The following FHIT variants were observed in gnomAD, a reference collection of about 807,000 sequenced individuals.
FHIT encodes fragile histidine triad diadenosine triphosphatase, also known as bis(5'-adenosyl)-triphosphatase.
FHIT carries 19 observed loss-of-function variants against 17.9 expected under a neutral mutation model. The ratio of observed to expected loss-of-function variants is 1.06; its 90% CI spans 0.74 to 1.56. The LOEUF (loss-of-function observed/expected upper bound fraction) is 1.56. FHIT is among the 40% of genes most tolerant of loss of function. The pLI is 0.00. For synonymous variants in FHIT, 81 were observed against 69.7 expected (o/e 1.16, Z -0.81); for missense variants, 248 against 189.2 (o/e 1.31, Z -1.82).
rs1011806929 is a variant in FHIT at position 61,236,183 on chromosome 3, T to C, written c.-213+15118A>G. Among the ~76,000 whole-genome samples, 3 of 148,030 alleles carry C rather than the reference T, an allele frequency of 2.0e-5. No individual in the cohort carries two copies. In the Admixed American group the frequency reaches 2.0e-4, roughly 10 times the overall value. On this transcript the variant is annotated intron_variant, in intron 1 of 9. Transcript: ENST00000492590. ...TTATAACATATACTATAATAATATA[T>C]TTTTGTTATAATATATAGTATATTA...
At chr3:61,037,151 T>C (rs1485389236) in intron 3 of FHIT, among the ~76,000 whole-genome samples, 1 of 152,112 alleles carries the variant, frequency 6.6e-6, no homozygotes, top group Non-Finnish European at 1.5e-5. Context: ...GACCTCGTGA[T>C]CCATCCGTCT....
chr3:60,168,064 T>C (rs957489879), intron 5 of FHIT, among the ~76,000 whole-genome samples: 17 of 152,184 alleles, frequency 1.1e-4, no homozygotes, highest in African/African-American at 3.9e-4. Flanking sequence ...TATCAACTTG[T>C]CCTGAGTTGA....
intron 5 of FHIT, among the ~76,000 whole-genome samples, chr3:60,478,577 G>GTGATGA (rs913154521): frequency 6.6e-6 from 1 of 152,050 alleles, no homozygotes; most frequent in Non-Finnish European, 1.5e-5. Flanking sequence ...GGTGATGGTG[G>GTGATGA]TGATGATGAT....
intron 2 of FHIT, among the ~76,000 whole-genome samples, chr3:61,070,638 C>A (rs1439823841): frequency 6.6e-6 from 1 of 152,202 alleles, no homozygotes. Flanking sequence ...CTCTTCATAA[C>A]CAATATGTTG....
chr3:60,148,396 G>C lies in FHIT; in HGVS notation c.104-134244C>G, dbSNP rs75756022. Among the ~76,000 whole-genome samples the C allele has an allele frequency of 6.2e-3, 941 of 152,328 alleles. 6 individuals carry two copies. Among genetic ancestry groups the C allele is most frequent in the Non-Finnish European group, 1.0e-2 (679 of 68,026 alleles). On this transcript the variant is annotated intron_variant, in intron 5 of 9. Transcript: ENST00000492590. ...ATTTTCTAGCATTACCTAGTGAAAT[G>C]TAAGTGTGGGTACAGTTTGGGAGAA... is the stretch of plus-strand genomic sequence containing the variant.
chr3:60,243,516 C>T (rs1705238724), intron 5 of FHIT, among the ~76,000 whole-genome samples: 1 of 152,036 alleles, frequency 6.6e-6, no homozygotes, highest in Non-Finnish European at 1.5e-5. Flanking sequence ...TGACTTTAAG[C>T]TCAACAAATG....
At chr3:60,723,886 T>C (rs2041861763) in intron 4 of FHIT, among the ~76,000 whole-genome samples, 1 of 152,236 alleles carries the variant, frequency 6.6e-6, no homozygotes, top group South Asian at 2.1e-4. Flanking sequence ...ACAGAATTTA[T>C]GTGGTAGCAG....
chr3:60,631,601 G>A (rs1332294267), intron 4 of FHIT, among the ~76,000 whole-genome samples: 1 of 152,122 alleles, frequency 6.6e-6, no homozygotes, highest in African/African-American at 2.4e-5. Flanking sequence ...GGGGAGGGGA[G>A]ATAACTTTAT....
chr3:60,259,980 T>C (rs1472241246), intron 5 of FHIT, among the ~76,000 whole-genome samples: 2 of 151,958 alleles, frequency 1.3e-5, no homozygotes, highest in East Asian at 3.9e-4. Flanking sequence ...CTGGGCCCCT[T>C]CCAGAGCATG....
At chr3:60,783,557 A>C (rs917678990) in intron 4 of FHIT, among the ~76,000 whole-genome samples, 1 of 152,204 alleles carries the variant, frequency 6.6e-6, no homozygotes, top group Non-Finnish European at 1.5e-5. Context: ...ATTTTGTAAA[A>C]ATTGTCCCAG....
intron 4 of FHIT, among the ~76,000 whole-genome samples, chr3:60,623,955 T>C (rs1456415462): frequency 6.6e-6 from 1 of 152,194 alleles, no homozygotes; most frequent in Non-Finnish European, 1.5e-5. Context: ...AAACATAGTG[T>C]TTGCTTTTGA....
At chr3:60,521,182 A>C (rs2035344538) in intron 5 of FHIT, among the ~76,000 whole-genome samples, 1 of 152,088 alleles carries the variant, frequency 6.6e-6, no homozygotes, top group Non-Finnish European at 1.5e-5. Flanking sequence ...TATAATGTCC[A>C]TTCCAAGACC....
At chr3:60,564,727 T>C (rs1286330054) in intron 4 of FHIT, among the ~76,000 whole-genome samples, 2 of 152,122 alleles carry the variant, frequency 1.3e-5, no homozygotes, top group Non-Finnish European at 2.9e-5. Context: ...CTTGAACAGA[T>C]GAGAAATTGC....
chr3:59,948,548 T>A lies in FHIT; in HGVS notation c.280-26134A>T, dbSNP rs564873249. Among the ~76,000 whole-genome samples, 655 of 151,620 alleles carry A rather than the reference T, an allele frequency of 4.3e-3. 7 individuals carry two copies. Among genetic ancestry groups the A allele is most frequent in the Non-Finnish European group, 4.8e-3 (324 of 67,854 alleles). On this transcript the variant is annotated intron_variant, in intron 7 of 9. Coordinates refer to ENST00000492590, the MANE Select transcript of FHIT (RefSeq NM_002012.4). ...ATAAAAATAAAAAAAAATAAATAAA[T>A]AAAAAATAAATAAATCACTATTTTC...
chr3:60,532,490 G>A (rs1249211023), intron 5 of FHIT, among the ~76,000 whole-genome samples: 1 of 152,194 alleles, frequency 6.6e-6, no homozygotes, highest in African/African-American at 2.4e-5. Context: ...GGGCTGCACT[G>A]AGACACAGGA....
chr3:60,493,106 G>C (rs549882737), intron 5 of FHIT, among the ~76,000 whole-genome samples: 1 of 152,102 alleles, frequency 6.6e-6, no homozygotes, highest in South Asian at 2.1e-4. Flanking sequence ...TCGAGAAAAG[G>C]GCAAGGGAAG....
intron 4 of FHIT, among the ~76,000 whole-genome samples, chr3:60,731,585 C>G (rs1553711253): frequency 6.6e-6 from 1 of 152,124 alleles, no homozygotes; most frequent in African/African-American, 2.4e-5. Context: ...TATGCATACC[C>G]ACTTGAGGCA....
intron 5 of FHIT, among the ~76,000 whole-genome samples, chr3:60,235,575 A>G (rs925535998): frequency 2.0e-5 from 3 of 152,132 alleles, no homozygotes; most frequent in African/African-American, 7.2e-5. Context: ...CGTTTGAGAA[A>G]CTCAAGAAGG....
chr3:60,545,513 A>C (rs1576849814), intron 4 of FHIT, among the ~76,000 whole-genome samples: 1 of 152,184 alleles, frequency 6.6e-6, no homozygotes, highest in African/African-American at 2.4e-5. Context: ...ATTGCCGTGA[A>C]AGTATTCCAT....
Sources: allele counts gnomAD v4.1 joint callset (sites outside exome capture counted in the v4.1 genomes callset), GRCh38; gene constraint gnomAD v4.1.1; transcripts MANE v1.5; gene names NCBI Gene and HGNC (gene_info 2026-07-23, HGNC 2026-07-21).